Variants in NOL4 observed in about 807,000 individuals in gnomAD.
The protein encoded by NOL4 is cancer/testis antigen 125.
NOL4 carries 17 observed loss-of-function variants against 75.9 expected under a neutral mutation model. The observed-to-expected ratio is 0.22, with a 90% CI of 0.15 to 0.34. The LOEUF (loss-of-function observed/expected upper bound fraction) is 0.34. Ranked by LOEUF, NOL4 falls within the 10% of genes least tolerant of loss-of-function variation. NOL4 has a pLI of 1.00. For synonymous variants in NOL4, 292 were observed against 289.9 expected (o/e 1.01, Z -0.07); for missense variants, 614 against 793.5 (o/e 0.77, Z 2.72).
At chr18:33,921,986 C>A (rs924288596) in intron 9 of NOL4, among the ~76,000 whole-genome samples, 1 of 152,162 alleles carries the variant, frequency 6.6e-6, no homozygotes, top group African/African-American at 2.4e-5. Flanking sequence ...CTGGCCTCAG[C>A]AATTGCTTCA....
At chr18:34,169,506 C>T (rs1600785318) in intron 1 of NOL4, among the ~76,000 whole-genome samples, 2 of 149,020 alleles carry the variant, frequency 1.3e-5, no homozygotes, top group Non-Finnish European at 1.5e-5. Flanking sequence ...GGAAACCTAA[C>T]CACATTAAAT....
At chr18:34,143,515 T>C (rs1261058285) in intron 1 of NOL4, among the ~76,000 whole-genome samples, 1 of 152,076 alleles carries the variant, frequency 6.6e-6, no homozygotes, top group Non-Finnish European at 1.5e-5. Flanking sequence ...TGTAATTGAT[T>C]TGGTATGTGA....
At chr18:33,875,338 A>G (rs1217076709) in intron 10 of NOL4, among the ~76,000 whole-genome samples, 2 of 151,980 alleles carry the variant, frequency 1.3e-5, no homozygotes, top group Admixed American at 6.6e-5. Context: ...AATTCTTTAT[A>G]CAGATTGTAA....
At chr18:34,213,184 C>T (rs189088082) in intron 1 of NOL4, among the ~76,000 whole-genome samples, 1 of 152,260 alleles carries the variant, frequency 6.6e-6, no homozygotes, top group Admixed American at 6.5e-5. Flanking sequence ...AATGTGTTCC[C>T]CGAAGTTCCT....
intron 6 of NOL4, chr18:34,001,559 G>C (rs1288800048): frequency 6.6e-6 from 1 of 152,156 alleles, no homozygotes; most frequent in Non-Finnish European, 1.5e-5. Context: ...GTGCAGGTGC[G>C]TGTGTGTCTG....
At chr18:34,112,387 G>A (rs1196263975) in intron 2 of NOL4, among the ~76,000 whole-genome samples, 2 of 151,518 alleles carry the variant, frequency 1.3e-5, no homozygotes, top group African/African-American at 4.9e-5. Flanking sequence ...AAAAAGATAT[G>A]GGGACAATAT....
At chr18:33,909,146 C>T (rs986244844) in intron 9 of NOL4, among the ~76,000 whole-genome samples, 12 of 152,094 alleles carry the variant, frequency 7.9e-5, no homozygotes, top group African/African-American at 2.9e-4. Flanking sequence ...TGTTATTTAA[C>T]ACTACTTGGA....
intron 2 of NOL4, among the ~76,000 whole-genome samples, chr18:34,112,876 G>A (rs2079665610): frequency 6.6e-6 from 1 of 152,138 alleles, no homozygotes; most frequent in African/African-American, 2.4e-5. Flanking sequence ...CCCACAAATG[G>A]TTACTATATG....
chr18:33,979,434 A>G (rs2071765246), intron 6 of NOL4, among the ~76,000 whole-genome samples: 1 of 152,056 alleles, frequency 6.6e-6, no homozygotes, highest in South Asian at 2.1e-4. Flanking sequence ...TTTTTAACCT[A>G]TTTATAAAAT....
chr18:34,185,788 CT>C (rs1568429738), intron 1 of NOL4, among the ~76,000 whole-genome samples: 1 of 152,128 alleles, frequency 6.6e-6, no homozygotes, highest in African/African-American at 2.4e-5. Context: ...CATTATCAAT[CT>C]ACCCAAATCA....
chr18:34,193,478 T>C (rs1011502385), intron 1 of NOL4, among the ~76,000 whole-genome samples: 2 of 152,130 alleles, frequency 1.3e-5, no homozygotes, highest in African/African-American at 4.8e-5. Context: ...CCAATATGAA[T>C]ATCAGGATAA....
At chr18:34,012,567 A>C (rs1472604163) in intron 6 of NOL4, among the ~76,000 whole-genome samples, 1 of 151,858 alleles carries the variant, frequency 6.6e-6, no homozygotes, top group Non-Finnish European at 1.5e-5. Flanking sequence ...GCTGTTTTAA[A>C]TTGGTATTTA....
chr18:33,851,297 GTTT>G lies in NOL4; in HGVS notation c.*1542_*1544del, dbSNP rs140653388. The G allele has an allele frequency of 2.0e-5, 3 of 148,576 alleles. No individual in the cohort carries two copies. Among genetic ancestry groups the G allele is most frequent in the African/African-American group, 7.4e-5 (3 of 40,376 alleles). The allele number at this position is 148,576 out of a possible 1,614,324, so 9.2% of individuals were successfully genotyped here. A position where few individuals can be genotyped will look rare whatever the true frequency, so the allele number is the denominator to read the frequency against. ...TATATTCACCAACAGTATCACAAAA[GTTT>G]TTTTTTTGTTTTTTGTTTACATAAT... On this transcript the variant is annotated 3_prime_UTR_variant, in exon 11 of 11. Transcript: ENST00000261592.
At chr18:34,028,215 A>C (rs2075448757) in intron 5 of NOL4, among the ~76,000 whole-genome samples, 1 of 152,120 alleles carries the variant, frequency 6.6e-6, no homozygotes. Context: ...GCCATCTATA[A>C]AATCTTTCCT....
intron 6 of NOL4, among the ~76,000 whole-genome samples, chr18:33,996,200 C>T (rs114756104): frequency 0.013 from 2,027 of 150,960 alleles, 44 homozygotes; most frequent in African/African-American, 0.046. Context: ...CCATTTAGAA[C>T]GGAAAAAAAA....
chr18:34,116,869 GT>G (rs1451163445), intron 2 of NOL4, among the ~76,000 whole-genome samples: 2 of 152,112 alleles, frequency 1.3e-5, no homozygotes, highest in African/African-American at 4.8e-5. Context: ...TCTTTTCTCA[GT>G]CCCAAGTATC....
At chr18:33,923,600 C>T (rs187667923) in intron 9 of NOL4, among the ~76,000 whole-genome samples, 5 of 151,896 alleles carry the variant, frequency 3.3e-5, no homozygotes, top group African/African-American at 1.2e-4. Context: ...AAATAATTAC[C>T]TCAACAATGT....
intron 5 of NOL4, among the ~76,000 whole-genome samples, chr18:34,086,048 A>G (rs2078225957): frequency 1.3e-5 from 2 of 152,148 alleles, no homozygotes; most frequent in Non-Finnish European, 2.9e-5. Flanking sequence ...CAACTGCCAT[A>G]AAGAGAGTTT....
At chr18:33,958,504 C>T in intron 6 of NOL4, 86 bp from the exon 7 acceptor site, 1 of 1,259,254 alleles carries the variant, frequency 7.9e-7, no homozygotes, top group Non-Finnish European at 1.1e-6. Context: ...TCAACTGTTT[C>T]TCAAAAATCT....
Sources: gnomAD v4.1 joint callset for allele counts (sites outside exome capture counted in the v4.1 genomes callset) on GRCh38, gnomAD v4.1.1 for gene constraint, MANE v1.5 for transcripts, NCBI Gene and HGNC (gene_info 2026-07-23, HGNC 2026-07-21) for gene names.